The following PPARGC1B variants were observed in gnomAD, a reference collection of about 807,000 sequenced individuals.
PPARGC1B encodes the protein PPARG coactivator 1 beta.
In PPARGC1B, 34 loss-of-function variants were observed where a neutral mutation model predicts 101.6. The ratio of observed to expected loss-of-function variants is 0.33; its 90% CI spans 0.25 to 0.45. The LOEUF (loss-of-function observed/expected upper bound fraction) is 0.45. Among genes scored for constraint, PPARGC1B ranks in the 20% least tolerant of loss-of-function variants. The pLI, the probability that PPARGC1B is intolerant of heterozygous loss-of-function variation, is 1.00. For synonymous variants in PPARGC1B, 548 were observed against 539.3 expected (o/e 1.02, Z -0.22); for missense variants, 1,234 against 1,317.6 (o/e 0.94, Z 0.98).
rs747761480 is a variant in PPARGC1B at position 149,836,408 on chromosome 5, C to T, written c.1953C>T (p.Ala651=). ...GLSLKATPGA[A]HKLPKKHPER... is the part of the protein sequence containing the mutation. ...CACTCAAGGCCACCCCAGGGGCTGC[C>T]CACAAGCTGCCAAAGAAGCACCCAG... Residue 651 remains alanine, a synonymous_variant, in exon 8 of 12, where the codon GCC becomes GCT. Coordinates refer to ENST00000309241, the MANE Select transcript of PPARGC1B (RefSeq NM_133263.4). The T allele has an allele frequency of 1.9e-6, 3 of 1,614,016 alleles. No homozygotes were observed. The highest frequency in any genetic ancestry group is 2.5e-6 in the Non-Finnish European group (3 of 1,180,040).
chr5:149,754,654 G>A lies in PPARGC1B; in HGVS notation c.78+24234G>A, dbSNP rs569545332. 1.5e-4 allele frequency among the ~76,000 whole-genome samples: 23 copies of A among 152,206 alleles called. No homozygotes were observed. In the South Asian group the frequency reaches 4.6e-3, roughly 30 times the overall value. On this transcript the variant is annotated intron_variant, in intron 1 of 11. Transcript: ENST00000309241. ...GGTAGGCAGAGTGAGGCCCAGAGGAGAATGGGCCTGTCGGAGTCAGGTGTC... is the reference window on the plus strand; with the variant it reads ...GGTAGGCAGAGTGAGGCCCAGAGGAAAATGGGCCTGTCGGAGTCAGGTGTC...
Position 149,837,163 on chromosome 5 carries a change from G to A in PPARGC1B, c.2618+90G>A. ...GAGCCCCAGGAGGGAGGATCCCTGG[G>A]AAGCTTGCTCTGAAACTGAGGCTGC... On this transcript the variant is annotated intron_variant, in intron 8 of 11. Transcript: ENST00000309241. The surrounding 1 kb of genome is among the most constrained non-coding windows in gnomAD (Gnocchi z 4.2). 6.6e-7 allele frequency: 1 copy of A among 1,508,174 alleles called. No individual in the cohort carries two copies. Among genetic ancestry groups the A allele is most frequent in the Non-Finnish European group, 8.8e-7 (1 of 1,130,448 alleles). The allele number at this position is 1,508,174 out of a possible 1,614,324, so 93.4% of individuals were successfully genotyped here. A position where few individuals can be genotyped will look rare whatever the true frequency, so the allele number is the denominator to read the frequency against.
chr5:149,797,208 G>T (rs1757255537), intron 1 of PPARGC1B, among the ~76,000 whole-genome samples: 1 of 152,196 alleles, frequency 6.6e-6, no homozygotes, highest in South Asian at 2.1e-4. Context: ...ACCTAGACCA[G>T]CCAGCCTTAA....
intron 1 of PPARGC1B, among the ~76,000 whole-genome samples, chr5:149,799,206 A>G (rs558006953): frequency 5.8e-4 from 89 of 152,272 alleles, no homozygotes; most frequent in Non-Finnish European, 9.6e-4. Flanking sequence ...TATATTTAAT[A>G]AGCAGGACCA....
intron 1 of PPARGC1B, among the ~76,000 whole-genome samples, chr5:149,744,131 C>T (rs1755002282): frequency 6.6e-6 from 1 of 152,192 alleles, no homozygotes; most frequent in Non-Finnish European, 1.5e-5. Flanking sequence ...CCAGTGACCA[C>T]AGTGCCCAGC....
intron 1 of PPARGC1B, among the ~76,000 whole-genome samples, chr5:149,772,646 T>C (rs1326297860): frequency 6.6e-6 from 1 of 152,182 alleles, no homozygotes; most frequent in Non-Finnish European, 1.5e-5. Context: ...TCTCCTCTTA[T>C]AAGGGCACCA....
At chr5:149,784,724 C>T (rs6891670) in intron 1 of PPARGC1B, among the ~76,000 whole-genome samples, 99,091 of 151,452 alleles carry the variant, frequency 0.65, 33,358 homozygotes, top group African/African-American at 0.81. Flanking sequence ...CCCGCCACCA[C>T]GCCCGGCTAA....
At chr5:149,835,270 C>T in intron 6 of PPARGC1B, 31 bp from the exon 7 acceptor site, 1 of 1,611,920 alleles carries the variant, frequency 6.2e-7, no homozygotes, top group African/African-American at 1.3e-5. Context: ...TGACTTGCTT[C>T]TTTCCTTTCT....
At chr5:149,802,081 C>T (rs1478065773) in intron 1 of PPARGC1B, among the ~76,000 whole-genome samples, 5 of 152,208 alleles carry the variant, frequency 3.3e-5, no homozygotes, top group Non-Finnish European at 7.3e-5. Context: ...CTCTGGTTGA[C>T]GGTCCTCTGG....
intron 1 of PPARGC1B, among the ~76,000 whole-genome samples, chr5:149,790,089 A>T (rs1444067231): frequency 1.3e-5 from 2 of 152,108 alleles, no homozygotes; most frequent in African/African-American, 4.8e-5. Context: ...CTTGTCTATA[A>T]ATAGAGATGA....
chr5:149,842,204 C>G (rs897287691), intron 9 of PPARGC1B, 52 bp from the exon 10 acceptor site: 1 of 1,598,750 alleles, frequency 6.3e-7, no homozygotes, highest in African/African-American at 1.3e-5. Context: ...CCAGAGGGGC[C>G]CCAGGAAGCC....
chr5:149,819,503 T>G (rs1024887770), intron 1 of PPARGC1B, among the ~76,000 whole-genome samples: 8 of 150,900 alleles, frequency 5.3e-5, no homozygotes, highest in African/African-American at 1.7e-4. Flanking sequence ...TGTTTTTTTT[T>G]GTTTGTTTTT....
chr5:149,773,720 C>G (rs980099765), intron 1 of PPARGC1B, among the ~76,000 whole-genome samples: 1 of 152,110 alleles, frequency 6.6e-6, no homozygotes, highest in Non-Finnish European at 1.5e-5. Context: ...GAGATGGGGC[C>G]GGCAGGGTGG....
intron 1 of PPARGC1B, among the ~76,000 whole-genome samples, chr5:149,794,799 G>A (rs748904860): frequency 2.4e-4 from 37 of 152,196 alleles, no homozygotes; most frequent in African/African-American, 8.7e-4. Context: ...CTCTCAGCCC[G>A]CTGCTGATGA....
chr5:149,809,403 C>CATAGATAG (rs201252118), intron 1 of PPARGC1B, among the ~76,000 whole-genome samples: 10 of 65,072 alleles, frequency 1.5e-4, no homozygotes, highest in African/African-American at 3.6e-4. Context: ...CCATCTCTAC[C>CATAGATAG]ATAGATAGAT....
chr5:149,803,964 AAGG>A (rs1439237831), intron 1 of PPARGC1B, among the ~76,000 whole-genome samples: 2 of 152,162 alleles, frequency 1.3e-5, no homozygotes, highest in Non-Finnish European at 2.9e-5. Flanking sequence ...CCACATGACC[AAGG>A]AGAGCCTGCT....
chr5:149,781,219 AAG>A lies in PPARGC1B; in HGVS notation c.79-39212_79-39211del, dbSNP rs1491038703. On this transcript the variant is annotated intron_variant, in intron 1 of 11. Transcript: ENST00000309241. ...GACTTCATCTCAAAAAAAAAAAAAAAAGAAGCAGCTTTCTGAATGAAAGATGG... is the reference window on the plus strand; with the variant it reads ...GACTTCATCTCAAAAAAAAAAAAAAAAAGCAGCTTTCTGAATGAAAGATGG... 3.3e-5 allele frequency among the ~76,000 whole-genome samples: 5 copies of A among 151,790 alleles called. 1 individual carries two copies. The highest frequency in any genetic ancestry group is 3.9e-4 in the East Asian group (2 of 5,168).
At chr5:149,737,411 G>A (rs990476300) in intron 1 of PPARGC1B, among the ~76,000 whole-genome samples, 7 of 152,244 alleles carry the variant, frequency 4.6e-5, no homozygotes, top group Admixed American at 3.3e-4. Flanking sequence ...CCTCCTGGAG[G>A]CTTAGACTCA....
chr5:149,747,444 T>C (rs1289427941), intron 1 of PPARGC1B, among the ~76,000 whole-genome samples: 1 of 152,252 alleles, frequency 6.6e-6, no homozygotes, highest in Non-Finnish European at 1.5e-5. Flanking sequence ...GTGAGCCTGA[T>C]GCTCAGAGGG....
Sources: gnomAD v4.1 joint callset for allele counts (sites outside exome capture counted in the v4.1 genomes callset) on GRCh38, gnomAD v4.1.1 for gene constraint, Gnocchi (gnomAD v3.1) non-coding constraint, MANE v1.5 for transcripts, NCBI Gene and HGNC (gene_info 2026-07-23, HGNC 2026-07-21) for gene names.